Variants in CADM2 observed in about 807,000 individuals in gnomAD.
CADM2 encodes cell adhesion molecule 2, also known as immunoglobulin superfamily member 4D.
Under a neutral mutation model 49.8 loss-of-function variants are expected in CADM2, and 12 were observed. The ratio of observed to expected loss-of-function variants is 0.24; its 90% confidence interval spans 0.15 to 0.39. The LOEUF (loss-of-function observed/expected upper bound fraction) is 0.39, where lower values mean the gene tolerates loss of function less well. CADM2 is among the 10% of genes least tolerant of loss of function. The pLI is 1.00. For missense variants in CADM2, 378 were observed against 492.3 expected (o/e 0.77, Z 2.20); for synonymous variants, 214 against 175.4 (o/e 1.22, Z -1.74).
Position 85,091,992 on chromosome 3 carries a change from G to A in CADM2, c.61+132324G>A, listed in dbSNP as rs143431668. Among the ~76,000 whole-genome samples, 1,080 of 152,170 alleles carry A rather than the reference G, an allele frequency of 7.1e-3. 10 individuals carry two copies. Among genetic ancestry groups the A allele is most frequent in the African/African-American group, 0.025 (1,032 of 41,538 alleles). On this transcript the variant is annotated intron_variant, in intron 1 of 9. Coordinates refer to ENST00000383699, the MANE Select transcript of CADM2 (RefSeq NM_001167675.2). ...TAACTAGATATTCAAACTCTGGCCT[G>A]ATTTTAATTAAATTTAACACTTCAA...
intron 3 of CADM2, among the ~76,000 whole-genome samples, chr3:85,848,182 G>T (rs968274259): frequency 2.0e-5 from 3 of 151,994 alleles, no homozygotes; most frequent in African/African-American, 7.2e-5. Context: ...AGATCAGCAA[G>T]AAAATGTATT....
chr3:85,468,172 A>C (rs1327315311), intron 1 of CADM2, among the ~76,000 whole-genome samples: 4 of 151,366 alleles, frequency 2.6e-5, no homozygotes, highest in South Asian at 2.1e-4. Flanking sequence ...AAAAAAAAAA[A>C]AAAAAAAAAC....
chr3:85,659,251 G>T (rs2065321299), intron 1 of CADM2, among the ~76,000 whole-genome samples: 2 of 151,482 alleles, frequency 1.3e-5, no homozygotes, highest in South Asian at 4.2e-4. Context: ...CCTCAACAAA[G>T]GTATTCTGGC....
In CADM2 at chr3:85,427,079, T is replaced by C. The variant is rs1426686142; in HGVS notation, c.62-299443T>C. Reference sequence around the variant, plus strand: ...GACTAATTTGTATATCTAAATTATATTTAATCTACAGAATCCTTGTTCGGG... The same window carrying C: ...GACTAATTTGTATATCTAAATTATACTTAATCTACAGAATCCTTGTTCGGG... On this transcript the variant is annotated intron_variant, in intron 1 of 9. Transcript: ENST00000383699. 2.7e-5 allele frequency among the ~76,000 whole-genome samples: 4 copies of C among 150,654 alleles called. No homozygotes were observed. The South Asian group carries it at 6.3e-4, about 24-fold the overall frequency.
intron 1 of CADM2, among the ~76,000 whole-genome samples, chr3:85,670,422 G>A (rs2065702060): frequency 6.6e-6 from 1 of 151,876 alleles, no homozygotes; most frequent in Non-Finnish European, 1.5e-5. Context: ...CATTTTAAAA[G>A]CCTGCCTTAC....
chr3:85,008,388 G>T (rs1037962809), intron 1 of CADM2, among the ~76,000 whole-genome samples: 5 of 152,062 alleles, frequency 3.3e-5, no homozygotes, highest in African/African-American at 1.2e-4. Flanking sequence ...ATTTTCAGTT[G>T]CATGTTGAAT....
chr3:85,650,263 A>C (rs143693916), intron 1 of CADM2, among the ~76,000 whole-genome samples: 1 of 152,316 alleles, frequency 6.6e-6, no homozygotes, highest in African/African-American at 2.4e-5. Flanking sequence ...CTGGGGAAGT[A>C]AGGAGAAGCG....
chr3:85,859,869 T>C (rs2075457201), intron 3 of CADM2, among the ~76,000 whole-genome samples: 1 of 152,204 alleles, frequency 6.6e-6, no homozygotes, highest in Admixed American at 6.5e-5. Flanking sequence ...AACTTATAAA[T>C]TAATTAAAGA....
At chr3:85,311,003 T>G (rs1481621183) in intron 1 of CADM2, among the ~76,000 whole-genome samples, 4 of 152,166 alleles carry the variant, frequency 2.6e-5, no homozygotes, top group African/African-American at 9.7e-5. Flanking sequence ...ATTCTGCCCA[T>G]GAGAAAACAC....
chr3:85,254,824 C>T (rs1490069692), intron 1 of CADM2, among the ~76,000 whole-genome samples: 1 of 151,962 alleles, frequency 6.6e-6, no homozygotes, highest in Non-Finnish European at 1.5e-5. Context: ...AGGGATGTTT[C>T]CAGCTGAGAA....
intron 3 of CADM2, among the ~76,000 whole-genome samples, chr3:85,865,756 T>C (rs2108336157): frequency 6.6e-6 from 1 of 152,310 alleles, no homozygotes; most frequent in East Asian, 1.9e-4. Flanking sequence ...GGGACGCAGA[T>C]AAATGCACGA....
At chr3:85,727,650 G>A (rs917043078) in intron 2 of CADM2, among the ~76,000 whole-genome samples, 2 of 152,114 alleles carry the variant, frequency 1.3e-5, no homozygotes, top group Non-Finnish European at 2.9e-5. Flanking sequence ...TATAATGAAA[G>A]GATGAGAAGT....
At chr3:85,709,426 C>A (rs987723723) in intron 1 of CADM2, among the ~76,000 whole-genome samples, 4 of 152,072 alleles carry the variant, frequency 2.6e-5, no homozygotes, top group Non-Finnish European at 4.4e-5. Flanking sequence ...GCGTTACATA[C>A]AAGATTTTCC....
chr3:86,055,374 T>G (rs1737796365), intron 8 of CADM2, among the ~76,000 whole-genome samples: 2 of 151,844 alleles, frequency 1.3e-5, no homozygotes, highest in Non-Finnish European at 2.9e-5. Flanking sequence ...TGCTTTTTGG[T>G]TCATAGATAG....
chr3:85,487,577 G>A (rs1050066789), intron 1 of CADM2, among the ~76,000 whole-genome samples: 22 of 150,448 alleles, frequency 1.5e-4, no homozygotes, highest in African/African-American at 5.4e-4. Flanking sequence ...GGAGGAGGAG[G>A]AAGTGGAGGA....
chr3:85,017,744 A>T (rs1281153125), intron 1 of CADM2, among the ~76,000 whole-genome samples: 3 of 152,206 alleles, frequency 2.0e-5, no homozygotes, highest in Non-Finnish European at 4.4e-5. Flanking sequence ...TGTAAACTAA[A>T]TTCTTAACCA....
At chr3:85,743,977 T>C (rs1047132941) in intron 2 of CADM2, among the ~76,000 whole-genome samples, 1 of 151,442 alleles carries the variant, frequency 6.6e-6, no homozygotes, top group African/African-American at 2.5e-5. Flanking sequence ...TGTATACAAA[T>C]AACAAAAGAG....
intron 1 of CADM2, among the ~76,000 whole-genome samples, chr3:85,531,238 A>T (rs1354516088): frequency 6.6e-6 from 1 of 152,046 alleles, no homozygotes; most frequent in African/African-American, 2.4e-5. Flanking sequence ...TAAATTTGTC[A>T]TTAATTTTTT....
intron 1 of CADM2, among the ~76,000 whole-genome samples, chr3:85,683,883 A>G (rs534601732): frequency 1.3e-5 from 2 of 152,176 alleles, no homozygotes; most frequent in Non-Finnish European, 2.9e-5. Flanking sequence ...TGAACAAAGT[A>G]ATCACTATGA....
Sources: allele counts gnomAD v4.1 joint callset (sites outside exome capture counted in the v4.1 genomes callset), GRCh38; gene constraint gnomAD v4.1.1; transcripts MANE v1.5; gene names NCBI Gene and HGNC (gene_info 2026-07-23, HGNC 2026-07-21).